ADGRL2: variants seen among roughly 807,000 people sequenced by gnomAD.
The protein encoded by ADGRL2 is calcium-independent alpha-latrotoxin receptor 2.
A neutral mutation model predicts 157.4 loss-of-function variants in ADGRL2; 44 were observed. The observed-to-expected ratio is 0.28, with a 90% CI of 0.22 to 0.36. The LOEUF is 0.36. Ranked by LOEUF, ADGRL2 falls within the 10% of genes least tolerant of loss-of-function variation. The probability of loss-of-function intolerance (pLI) is 1.00; values close to 1 mark genes in which losing one functional copy is unlikely to be tolerated. For missense variants in ADGRL2, 1,510 were observed against 1,768.9 expected, an observed-to-expected ratio of 0.85 and a Z score of 2.63; for synonymous variants, 585 against 624.7, an observed-to-expected ratio of 0.94 and a Z score of 0.95.
At chr1:81,771,847 C>A (rs900224681) in intron 2 of ADGRL2, among the ~76,000 whole-genome samples, 2 of 152,224 alleles carry the variant, frequency 1.3e-5, no homozygotes, top group African/African-American at 4.8e-5. Flanking sequence ...AGATTAAATG[C>A]AGAATCAGAC....
At chr1:81,360,693 T>G (rs757567589) in intron 1 of ADGRL2, among the ~76,000 whole-genome samples, 20 of 151,614 alleles carry the variant, frequency 1.3e-4, no homozygotes, top group Non-Finnish European at 2.4e-4. Flanking sequence ...GAAAGTGATC[T>G]GTAAATATTT....
At chr1:81,869,482 C>T (rs1571805817) in intron 2 of ADGRL2, among the ~76,000 whole-genome samples, 1 of 151,930 alleles carries the variant, frequency 6.6e-6, no homozygotes, top group South Asian at 2.1e-4. Context: ...TAATATTGGC[C>T]ACCTGTTAGT....
intron 2 of ADGRL2, among the ~76,000 whole-genome samples, chr1:81,475,163 C>T (rs1245528918): frequency 1.3e-5 from 2 of 151,992 alleles, no homozygotes; most frequent in Non-Finnish European, 2.9e-5. Flanking sequence ...TGCTAAACAT[C>T]TAGTTTTGTT....
rs532822350 is a variant in ADGRL2, at chr1:81,604,122, C to A, written c.-143+23142C>A. Among the ~76,000 whole-genome samples the A allele has an allele frequency of 2.4e-4, 37 of 152,102 alleles. 1 individual carries two copies. Among genetic ancestry groups the A allele is most frequent in the Non-Finnish European group, 4.7e-4 (32 of 67,976 alleles). On this transcript the variant is annotated intron_variant, in intron 3 of 24. Coordinates refer to the ADGRL2 transcript ENST00000370721. The stretch of plus-strand genomic sequence containing the variant: ...GGGATTACAGGCGCATGCCACCACA[C>A]CCGGTTAATTTTTTTTAATTTTGGT...
At chr1:81,836,009 G>C (rs1304165795) in intron 1 of ADGRL2, among the ~76,000 whole-genome samples, 1 of 152,072 alleles carries the variant, frequency 6.6e-6, no homozygotes, top group African/African-American at 2.4e-5. Context: ...GAAGCATGTA[G>C]TAAATGCACA....
intron 2 of ADGRL2, among the ~76,000 whole-genome samples, chr1:81,780,955 T>C (rs2086788169): frequency 6.6e-6 from 1 of 152,192 alleles, no homozygotes; most frequent in African/African-American, 2.4e-5. Context: ...CCTCTTAACC[T>C]TTCTGATTTT....
chr1:81,601,671 C>A (rs2081335716), intron 3 of ADGRL2, among the ~76,000 whole-genome samples: 1 of 152,130 alleles, frequency 6.6e-6, no homozygotes, highest in Non-Finnish European at 1.5e-5. Flanking sequence ...CCAAAATATT[C>A]CAGATTCATC....
rs1399808674 is a variant in ADGRL2, at chr1:81,859,697, C to T, written c.73+22640C>T. On this transcript the variant is annotated intron_variant, in intron 2 of 23. Transcript: ENST00000686636. ...TGCTGGGATTACAGGCATGTGTCAC[C>T]GTGCTTGGCCCTGAAATAAAATTTT... Among the ~76,000 whole-genome samples the T allele has an allele frequency of 1.3e-5, 2 of 151,850 alleles. 1 individual carries two copies. The highest frequency in any genetic ancestry group is 6.3e-3 in the Middle Eastern group (2 of 316).
intron 3 of ADGRL2, among the ~76,000 whole-genome samples, chr1:81,636,513 G>A (rs1238943809): frequency 6.6e-6 from 1 of 151,990 alleles, no homozygotes; most frequent in Non-Finnish European, 1.5e-5. Context: ...ATTGGAAAAG[G>A]GAGGAAACTC....
intron 2 of ADGRL2, among the ~76,000 whole-genome samples, chr1:81,469,104 C>G (rs1557712644): frequency 6.6e-6 from 1 of 152,182 alleles, no homozygotes; most frequent in Non-Finnish European, 1.5e-5. Context: ...CTCACACTTT[C>G]CTGCAATTGG....
intron 3 of ADGRL2, among the ~76,000 whole-genome samples, chr1:81,672,201 A>C (rs2082889504): frequency 1.3e-5 from 2 of 152,182 alleles, no homozygotes; most frequent in Non-Finnish European, 2.9e-5. Flanking sequence ...CAGATTTCTA[A>C]GATACCTATT....
intron 1 of ADGRL2, among the ~76,000 whole-genome samples, chr1:81,344,731 C>T (rs915489292): frequency 6.9e-6 from 1 of 144,076 alleles, no homozygotes; most frequent in Non-Finnish European, 1.5e-5. Flanking sequence ...AGAACTGTTA[C>T]ATCAGTAACA....
chr1:81,594,512 T>C (rs1036586779), intron 3 of ADGRL2, among the ~76,000 whole-genome samples: 1 of 152,216 alleles, frequency 6.6e-6, no homozygotes, highest in African/African-American at 2.4e-5. Context: ...AAAAGTTAAG[T>C]TAGTATATTT....
chr1:81,401,123 G>A (rs945613962), intron 1 of ADGRL2, among the ~76,000 whole-genome samples: 5 of 152,158 alleles, frequency 3.3e-5, no homozygotes, highest in African/African-American at 9.7e-5. Context: ...TAGCTTCCTC[G>A]TGTCAGGGCA....
chr1:81,801,874 A>G (rs1557667777), intron 1 of ADGRL2, among the ~76,000 whole-genome samples: 1 of 150,616 alleles, frequency 6.6e-6, no homozygotes, highest in African/African-American at 2.4e-5. Context: ...CTGATTCCCG[A>G]TTTTTTTTTC....
chr1:81,401,428 G>A (rs921644647), intron 1 of ADGRL2, among the ~76,000 whole-genome samples: 5 of 91,260 alleles, frequency 5.5e-5, no homozygotes, highest in African/African-American at 6.9e-5. Flanking sequence ...TCCCAGCTGC[G>A]GGAAGATGTG....
At chr1:81,689,306 A>G (rs1310913789) in intron 3 of ADGRL2, among the ~76,000 whole-genome samples, 3 of 152,148 alleles carry the variant, frequency 2.0e-5, no homozygotes, top group East Asian at 1.9e-4. Flanking sequence ...AACACCCAAA[A>G]GAATGTTAGA....
intron 2 of ADGRL2, among the ~76,000 whole-genome samples, chr1:81,500,764 T>C (rs961574716): frequency 6.6e-6 from 1 of 152,234 alleles, no homozygotes. Flanking sequence ...CTGTAGAATG[T>C]ACTTAAGTAA....
rs140429481 is a variant in ADGRL2 at position 81,805,811 on chromosome 1, G to C, written c.-101+4743G>C. 3.1e-3 allele frequency among the ~76,000 whole-genome samples: 472 copies of C among 151,092 alleles called. 6 individuals carry two copies. The highest frequency in any genetic ancestry group is 0.011 in the African/African-American group (454 of 41,198). On this transcript the variant is annotated intron_variant, in intron 1 of 23. Transcript: ENST00000686636. ...TGTTAACTAGTCTGCTTTGAATGCA[G>C]AGTGTTATAAAGAAAACAACATTAT...
Sources: allele counts gnomAD v4.1 joint callset (sites outside exome capture counted in the v4.1 genomes callset), GRCh38; gene constraint gnomAD v4.1.1; transcripts MANE v1.5; gene names NCBI Gene and HGNC (gene_info 2026-07-23, HGNC 2026-07-21).